Variants in CASKIN2 observed in about 807,000 individuals in gnomAD.
The protein encoded by CASKIN2 is CASK interacting protein 2.
In CASKIN2, 41 loss-of-function variants were observed where a neutral mutation model predicts 107.1. The ratio of observed to expected loss-of-function variants is 0.38; its 90% confidence interval spans 0.30 to 0.50. CASKIN2 has a LOEUF of 0.50. Ranked by LOEUF, CASKIN2 falls within the 20% of genes least tolerant of loss-of-function variation. CASKIN2 has a pLI of 0.92. For missense variants in CASKIN2, 1,546 were observed against 1,657.4 expected (o/e 0.93, Z 1.17); for synonymous variants, 724 against 705.6 (o/e 1.03, Z -0.41).
In CASKIN2 at chr17:75,501,771, CCT is replaced by C. The variant is rs760384731; in HGVS notation, c.3295+6_3295+7del. The stretch of plus-strand genomic sequence containing the variant: ...AGCAGTGACTCTCCCACAGGCCTCC[CCT>C]CTTACCTGCTCCGGGCACCTTGAGG... On this transcript the variant is annotated splice_donor_region_variant and intron_variant, in intron 18 of 19. Coordinates refer to ENST00000321617, the MANE Select transcript of CASKIN2 (RefSeq NM_020753.5). The C allele has an allele frequency of 3.9e-5, 59 of 1,531,956 alleles. No homozygotes were observed. Among genetic ancestry groups the C allele is most frequent in the Non-Finnish European group, 4.3e-5 (49 of 1,140,966 alleles). 94.9% of individuals were successfully genotyped at this position (1,531,956 alleles called of 1,614,324 possible). A position where few individuals can be genotyped will look rare whatever the true frequency, so the allele number is the denominator to read the frequency against.
intron 2 of CASKIN2, among the ~76,000 whole-genome samples, chr17:75,510,541 T>C (rs533730425): frequency 6.6e-6 from 1 of 152,206 alleles, no homozygotes; most frequent in East Asian, 1.9e-4. Context: ...AGGCCCTCTG[T>C]GATGAGTCTG....
rs747721405 is a variant in CASKIN2 at position 75,502,028 on chromosome 17, G to A, written c.3046C>T (p.Pro1016Ser). 10 of 1,612,620 alleles carry A rather than the reference G, an allele frequency of 6.2e-6. No individual in the cohort carries two copies. The South Asian group carries it at 1.1e-4, about 18-fold the overall frequency. Reference protein sequence around the residue: ...LLAFGVASATPGPAAPLPSPT... With the variant: ...LLAFGVASATSGPAAPLPSPT... ...GAAGGCAGTGGGGCAGCGGGGCCAG[G>A]CGTGGCACTGGCCACTCCGAAGGCC... The change falls in exon 18 of 20, where the codon CCT becomes TCT. Residue 1016 changes from proline to serine, a missense_variant. Physicochemically the swap from Pro to Ser is moderately conservative, Grantham distance 74. Transcript: ENST00000321617. This position sits in a 1 kb window ranked among gnomAD's most constrained non-coding sequence, Gnocchi z 4.3.
In CASKIN2 at chr17:75,502,386, C is replaced by T. The variant is rs866657286; in HGVS notation, c.2688G>A (p.Lys896=). The change falls in exon 18 of 20, where the codon AAG becomes AAA. Residue 896 remains lysine (K), a synonymous_variant. Coordinates refer to ENST00000321617, the MANE Select transcript of CASKIN2 (RefSeq NM_020753.5). The surrounding 1 kb of genome is among the most constrained non-coding windows in gnomAD (Gnocchi z 4.3). ...PPPLDESPGP[K]EGATGPRRRT... Reference sequence around the variant, plus strand: ...GCCTTCGGGGCCCTGTGGCCCCTTCCTTGGGCCCTGGGCTCTCATCTAGTG... The same window carrying T: ...GCCTTCGGGGCCCTGTGGCCCCTTCTTTGGGCCCTGGGCTCTCATCTAGTG... 4 of 1,479,172 alleles carry T rather than the reference C, an allele frequency of 2.7e-6. No individual in the cohort carries two copies. The highest frequency in any genetic ancestry group is 2.9e-5 in the South Asian group (2 of 70,134). 91.6% of individuals were successfully genotyped at this position (1,479,172 alleles called of 1,614,324 possible). A position where few individuals can be genotyped will look rare whatever the true frequency, so the allele number is the denominator to read the frequency against.
Position 75,502,979 on chromosome 17 carries a change from C to T in CASKIN2, c.2095G>A (p.Glu699Lys). The T allele has an allele frequency of 6.2e-7, 1 of 1,604,740 alleles. No homozygotes were observed. The highest frequency in any genetic ancestry group is 1.1e-5 in the South Asian group (1 of 90,320). The stretch of plus-strand genomic sequence containing the variant: ...CCCCGTGAGCGTGCCCCGATGCTCT[C>T]CTGGCTGGGAGAGCGGGCAGGTGGG... ...PLPPARSPSQ[E>K]SIGARSRGSG... Residue 699 changes from glutamate (E) to lysine (K), a missense_variant, in exon 18 of 20, where the codon GAG becomes AAG. Physicochemically the swap from Glu to Lys is moderately conservative, Grantham distance 56 (BLOSUM62 1). Around this residue, in one of 6 missense-constraint regions of CASKIN2, gnomAD observed 1,311 missense variants for 1,311.0 expected, o/e 1.00. Coordinates refer to ENST00000321617, the MANE Select transcript of CASKIN2 (RefSeq NM_020753.5). The surrounding 1 kb of genome is among the most constrained non-coding windows in gnomAD (Gnocchi z 4.3).
intron 2 of CASKIN2, among the ~76,000 whole-genome samples, chr17:75,510,358 T>C (rs1337248631): frequency 6.6e-6 from 1 of 152,070 alleles, no homozygotes; most frequent in Non-Finnish European, 1.5e-5. Flanking sequence ...CCCTGTTCTC[T>C]CTCTGGATAG....
At chr17:75,513,639 A>G in intron 2 of CASKIN2, 72 bp downstream of exon 2, 1 of 827,820 alleles carries the variant, frequency 1.2e-6, no homozygotes, top group Non-Finnish European at 2.1e-6. Context: ...ACAGTGACCC[A>G]CCCCCACCCA....
Position 75,505,746 on chromosome 17 carries a change from C to T in CASKIN2, c.835+75G>A. 2 of 1,561,280 alleles carry T rather than the reference C, an allele frequency of 1.3e-6. No homozygotes were observed. Among genetic ancestry groups the T allele is most frequent in the Non-Finnish European group, 8.8e-7 (1 of 1,138,598 alleles). On this transcript the variant is annotated intron_variant, in intron 9 of 19. Transcript: ENST00000321617. This position sits in a 1 kb window ranked among gnomAD's most constrained non-coding sequence, Gnocchi z 5.1. ...TTGACAACCCTCCCCCAGGGACGTC[C>T]ACTCCCCCTCCACATCCTGGTACCA...
At chr17:75,511,959 G>A (rs1047444431) in intron 2 of CASKIN2, among the ~76,000 whole-genome samples, 3 of 152,192 alleles carry the variant, frequency 2.0e-5, no homozygotes, top group Admixed American at 2.0e-4. Flanking sequence ...GACAGAAGAG[G>A]GGAGTGGCTG....
chr17:75,511,728 T>C (rs1325919771), intron 2 of CASKIN2, among the ~76,000 whole-genome samples: 1 of 152,084 alleles, frequency 6.6e-6, no homozygotes, highest in Non-Finnish European at 1.5e-5. Context: ...TTCTCCACTT[T>C]GGGACTGAGG....
Position 75,506,407 on chromosome 17 carries a change from G to A in CASKIN2, c.624C>T (p.Leu208=). 6.2e-7 allele frequency: 1 copy of A among 1,609,608 alleles called. No individual in the cohort carries two copies. Residue 208 remains leucine, a synonymous_variant, in exon 8 of 20, where the codon CTC becomes CTT. Coordinates refer to ENST00000321617, the MANE Select transcript of CASKIN2 (RefSeq NM_020753.5). This position sits in a 1 kb window ranked among gnomAD's most constrained non-coding sequence, Gnocchi z 4.8. ...KNGHREVIRQ[L]LRAGIEINRQ... is the part of the protein sequence containing the mutation. The stretch of plus-strand genomic sequence containing the variant: ...GGTTGATCTCGATCCCAGCTCTCAG[G>A]AGCTGCCTGCAGTGGACGGGGGGAG...
chr17:75,506,449 G>A lies in CASKIN2; in HGVS notation c.618-36C>T, dbSNP rs201060678. ...CGGGGGGAGTCACGGGGGAGGTGGC[G>A]TAGGAGGGGGTGCTGACTGCTGGGG... On this transcript the variant is annotated intron_variant, in intron 7 of 19. Transcript: ENST00000321617. This position sits in a 1 kb window ranked among gnomAD's most constrained non-coding sequence, Gnocchi z 4.8. 1,913 of 1,586,524 alleles carry A rather than the reference G, an allele frequency of 1.2e-3. 1 individual carries two copies. Among genetic ancestry groups the A allele is most frequent in the Non-Finnish European group, 1.6e-3 (1,863 of 1,164,106 alleles).
chr17:75,505,796 G>A lies in CASKIN2; in HGVS notation c.835+25C>T. The A allele has an allele frequency of 6.2e-7, 1 of 1,607,774 alleles. No homozygotes were observed. The highest frequency in any genetic ancestry group is 8.5e-7 in the Non-Finnish European group (1 of 1,176,490). On this transcript the variant is annotated intron_variant, in intron 9 of 19. Transcript: ENST00000321617. This position sits in a 1 kb window ranked among gnomAD's most constrained non-coding sequence, Gnocchi z 5.1. Reference sequence around the variant, plus strand: ...ACTTGAGCGGCCCCAGGCCCCCTGGGCAGGGTATCCTCCCCCGCACTCACC... The same window carrying A: ...ACTTGAGCGGCCCCAGGCCCCCTGGACAGGGTATCCTCCCCCGCACTCACC...
chr17:75,513,640 C>T, intron 2 of CASKIN2, 71 bp downstream of exon 2: 2 of 1,141,548 alleles, frequency 1.8e-6, no homozygotes, highest in Admixed American at 1.8e-5. Context: ...CAGTGACCCA[C>T]CCCCACCCAC....
Position 75,501,119 on chromosome 17 carries a change from G to A in CASKIN2, c.3570C>T (p.Phe1190=), listed in dbSNP as rs763069922. 2.5e-5 allele frequency: 40 copies of A among 1,591,102 alleles called. No homozygotes were observed. The African/African-American group carries it at 3.5e-4, about 14-fold the overall frequency. ...KHILDDISTM[F]DALADQLDAM... ...CGTCCAGCTGGTCAGCCAGGGCGTC[G>A]AACATGGTGCTGATGTCATCCAGAA... is the stretch of plus-strand genomic sequence containing the variant. The change falls in exon 20 of 20, where the codon TTC becomes TTT. Residue 1190 remains phenylalanine, a synonymous_variant. Coordinates refer to ENST00000321617, the MANE Select transcript of CASKIN2 (RefSeq NM_020753.5).
chr17:75,513,247 C>A (rs2053329738), intron 2 of CASKIN2, among the ~76,000 whole-genome samples: 1 of 152,034 alleles, frequency 6.6e-6, no homozygotes, highest in Non-Finnish European at 1.5e-5. Context: ...CGAGACCAGT[C>A]TGGTCAACAT....
At chr17:75,514,280 G>C (rs892280405) in intron 1 of CASKIN2, 72 bp from the exon 2 acceptor site, 1 of 414,254 alleles carries the variant, frequency 2.4e-6, no homozygotes, top group African/African-American at 2.0e-5. Context: ...GGAGTGCAGA[G>C]GATGAGCAGG....
At position 75,505,770 on chromosome 17, in the gene CASKIN2, C is replaced by A. The variant is rs1426152785; in HGVS notation, c.835+51G>T. ...CCACTCCCCCTCCACATCCTGGTACCACTTGAGCGGCCCCAGGCCCCCTGG... is the reference window on the plus strand; with the variant it reads ...CCACTCCCCCTCCACATCCTGGTACAACTTGAGCGGCCCCAGGCCCCCTGG... On this transcript the variant is annotated intron_variant, in intron 9 of 19. Coordinates refer to ENST00000321617, the MANE Select transcript of CASKIN2 (RefSeq NM_020753.5). This position sits in a 1 kb window ranked among gnomAD's most constrained non-coding sequence, Gnocchi z 5.1. 1 of 1,588,598 alleles carries A rather than the reference C, an allele frequency of 6.3e-7. No individual in the cohort carries two copies. Among genetic ancestry groups the A allele is most frequent in the East Asian group, 2.2e-5 (1 of 44,646 alleles).
Position 75,506,450 on chromosome 17 carries a change from T to C in CASKIN2, c.618-37A>G. 3 of 1,354,760 alleles carry C rather than the reference T, an allele frequency of 2.2e-6. No individual in the cohort carries two copies. The highest frequency in any genetic ancestry group is 3.0e-6 in the Non-Finnish European group (3 of 994,464). 83.9% of individuals were successfully genotyped at this position (1,354,760 alleles called of 1,614,324 possible). A position where few individuals can be genotyped will look rare whatever the true frequency, so the allele number is the denominator to read the frequency against. ...GGGGGGAGTCACGGGGGAGGTGGCG[T>C]AGGAGGGGGTGCTGACTGCTGGGGG... On this transcript the variant is annotated intron_variant, in intron 7 of 19. Transcript: ENST00000321617. The surrounding 1 kb of genome is among the most constrained non-coding windows in gnomAD (Gnocchi z 4.8).
chr17:75,502,571 G>A lies in CASKIN2; in HGVS notation c.2503C>T (p.Arg835Cys), dbSNP rs77001351. The A allele has an allele frequency of 0.032, 50,324 of 1,583,570 alleles. 929 individuals are homozygous for A. The highest frequency in any genetic ancestry group is 0.038 in the Non-Finnish European group (44,119 of 1,162,996). The change falls in exon 18 of 20, where the codon CGC (arginine) becomes TGC (cysteine). Residue 835 changes from arginine to cysteine, a missense_variant. Coordinates refer to ENST00000321617, the MANE Select transcript of CASKIN2 (RefSeq NM_020753.5). This position sits in a 1 kb window ranked among gnomAD's most constrained non-coding sequence, Gnocchi z 4.3. ...GGACTGGTCCGGACAAGGGCACTGC[G>A]TCCTGGCCGCCGGGTAAGGGTAGCA... ...SYATLTRRPGRSALVRTSPSV... is the reference protein window; with the variant it reads ...SYATLTRRPGCSALVRTSPSV...
Sources: allele counts gnomAD v4.1 joint callset (sites outside exome capture counted in the v4.1 genomes callset), GRCh38; gene constraint gnomAD v4.1.1; regional missense constraint gnomAD v4.1.1; non-coding constraint Gnocchi (gnomAD v3.1); transcripts MANE v1.5; gene names NCBI Gene and HGNC (gene_info 2026-07-23, HGNC 2026-07-21).